Variants in TRPA1 observed in about 807,000 individuals in gnomAD.
TRPA1 encodes transient receptor potential cation channel subfamily A member 1.
In TRPA1, 129 loss-of-function variants were observed where a neutral mutation model predicts 131.3. That is an observed-to-expected ratio of 0.98 (90% CI 0.85 to 1.14). TRPA1 has a LOEUF of 1.14. Among genes scored for constraint, TRPA1 ranks in the 50% most tolerant of loss-of-function variants. TRPA1 has a pLI of 0.00. For synonymous variants in TRPA1, 441 were observed against 451.7 expected (o/e 0.98, Z 0.30); for missense variants, 1,304 against 1,354.2 (o/e 0.96, Z 0.58).
At chr8:72,029,730 G>T in intron 24 of TRPA1, 171 bp downstream of exon 24, 2 of 729,424 alleles carry the variant, frequency 2.7e-6, no homozygotes, top group Non-Finnish European at 4.9e-6. Flanking sequence ...ACAGAACCCA[G>T]TCAGCCACAT....
intron 17 of TRPA1, among the ~76,000 whole-genome samples, chr8:72,044,036 C>A (rs1435397890): frequency 6.6e-6 from 1 of 151,760 alleles, no homozygotes; most frequent in African/African-American, 2.4e-5. Context: ...TGGAATATTT[C>A]CAGGTTCACC....
At chr8:72,065,396 A>C in intron 4 of TRPA1, 55 bp downstream of exon 4, 1 of 1,319,688 alleles carries the variant, frequency 7.6e-7, no homozygotes, top group East Asian at 2.4e-5. Context: ...ATAATAATCC[A>C]TGTTGTATTC....
chr8:72,055,838 C>A lies in TRPA1; in HGVS notation c.1212G>T (p.Glu404Asp), dbSNP rs893255673. ...PEFMQMQQIK[E>D]LVMDEDNDGC... Reference sequence around the variant, plus strand: ...CATCGTTGTCTTCATCCATTACCAGCTCTTTGATCTGTTGCATCTATAGGA... The same window carrying A: ...CATCGTTGTCTTCATCCATTACCAGATCTTTGATCTGTTGCATCTATAGGA... Residue 404 changes from glutamate (E) to aspartate (D), a missense_variant, in exon 11 of 27, where the codon GAG becomes GAT. Coordinates refer to ENST00000262209, the MANE Select transcript of TRPA1 (RefSeq NM_007332.3). 34 of 1,612,484 alleles carry A rather than the reference C, an allele frequency of 2.1e-5. No homozygotes were observed. The highest frequency in any genetic ancestry group is 2.9e-5 in the Non-Finnish European group (34 of 1,179,536).
upstream of TRPA1, among the ~76,000 whole-genome samples, chr8:72,076,844 C>T (rs540269535): frequency 6.6e-6 from 1 of 152,294 alleles, no homozygotes; most frequent in South Asian, 2.1e-4. Context: ...CTGGAGGATA[C>T]AGGTGTTCAA....
chr8:72,025,560 G>T (rs1309402872), intron 25 of TRPA1, among the ~76,000 whole-genome samples: 3 of 152,048 alleles, frequency 2.0e-5, no homozygotes, highest in Non-Finnish European at 2.9e-5. Context: ...GTTCTTTATT[G>T]TGTATTCTAA....
intron 15 of TRPA1, among the ~76,000 whole-genome samples, chr8:72,047,486 C>T (rs1321879828): frequency 6.6e-6 from 1 of 152,032 alleles, no homozygotes; most frequent in African/African-American, 2.4e-5. Flanking sequence ...AAGAGATATT[C>T]CACTAGTTGT....
chr8:72,053,703 G>C, intron 13 of TRPA1, 50 bp downstream of exon 13: 1 of 1,375,234 alleles, frequency 7.3e-7, no homozygotes, highest in Non-Finnish European at 1.0e-6. Context: ...AATGTTGGAA[G>C]TTTCTGCTAT....
At chr8:72,034,624 T>G (rs1811961793) in intron 21 of TRPA1, among the ~76,000 whole-genome samples, 1 of 152,230 alleles carries the variant, frequency 6.6e-6, no homozygotes, top group African/African-American at 2.4e-5. Context: ...ATACAGGGTC[T>G]TGCTTTGTCA....
intron 19 of TRPA1, chr8:72,038,631 C>G: frequency 2.2e-6 from 1 of 461,596 alleles, no homozygotes; most frequent in Non-Finnish European, 3.8e-6. Flanking sequence ...AAGCTAGCAT[C>G]TAACACATGT....
In TRPA1 at chr8:72,050,819, G is replaced by T; in HGVS notation, c.1864C>A (p.Pro622Thr). The T allele has an allele frequency of 1.9e-6, 3 of 1,612,014 alleles. No individual in the cohort carries two copies. The South Asian group carries it at 3.3e-5, about 18-fold the overall frequency. ...AGGTATTCTATCATTTCTGTAATTG[G>T]ACATTTATTGCCTGGAGAATTATGA... is the stretch of plus-strand genomic sequence containing the variant. ...FSHNSPGNKC[P>T]ITEMIEYLPE... The change falls in exon 15 of 27, where the codon CCA (proline) becomes ACA (threonine). Residue 622 changes from proline to threonine, a missense_variant. Physicochemically the swap from Pro to Thr is conservative, Grantham distance 38. Coordinates refer to ENST00000262209, the MANE Select transcript of TRPA1 (RefSeq NM_007332.3).
At chr8:72,078,945 A>G (rs1305999202), upstream of TRPA1, among the ~76,000 whole-genome samples, 1 of 151,968 alleles carries the variant, frequency 6.6e-6, no homozygotes, top group Non-Finnish European at 1.5e-5. Flanking sequence ...TTTTATTATG[A>G]TCATTCTAAT....
At chr8:72,060,287 T>C (rs953218190) in intron 7 of TRPA1, 3 of 152,106 alleles carry the variant, frequency 2.0e-5, no homozygotes, top group African/African-American at 7.2e-5. Flanking sequence ...GGTTTGTAAA[T>C]TGGTGAAACA....
chr8:72,074,553 C>T (rs10111216), intron 1 of TRPA1, among the ~76,000 whole-genome samples: 59,067 of 151,932 alleles, frequency 0.39, 12,122 homozygotes, highest in East Asian at 0.63. Context: ...AAAAGAGCCC[C>T]TTTCTCCTGC....
intron 20 of TRPA1, among the ~76,000 whole-genome samples, chr8:72,037,366 C>T (rs11988795): frequency 0.37 from 55,997 of 151,730 alleles, 10,813 homozygotes; most frequent in East Asian, 0.55. Flanking sequence ...CTTTCAACCT[C>T]CATACTGAGA....
At chr8:72,041,754 A>G (rs979660518) in intron 17 of TRPA1, among the ~76,000 whole-genome samples, 7 of 151,918 alleles carry the variant, frequency 4.6e-5, no homozygotes, top group African/African-American at 1.7e-4. Context: ...CTTATGTTAT[A>G]AAAGAAGAAA....
intron 25 of TRPA1, 121 bp from the exon 26 acceptor site, chr8:72,024,032 A>G (rs1160365693): frequency 1.9e-5 from 13 of 681,996 alleles, no homozygotes; most frequent in Non-Finnish European, 3.5e-5. Flanking sequence ...TATGCCCTCA[A>G]GGAACCCACA....
intron 23 of TRPA1, among the ~76,000 whole-genome samples, chr8:72,030,649 C>G (rs375953562): frequency 1.3e-5 from 2 of 151,974 alleles, no homozygotes; most frequent in African/African-American, 4.8e-5. Flanking sequence ...ATATCACATG[C>G]AATTGGGTGT....
intron 23 of TRPA1, among the ~76,000 whole-genome samples, chr8:72,031,601 A>C (rs1037050300): frequency 6.6e-6 from 1 of 151,766 alleles, no homozygotes; most frequent in African/African-American, 2.4e-5. Flanking sequence ...AAACAAAAAA[A>C]AAACAAAAAA....
At chr8:72,088,179 TCTC>T in the TRPA1 span, among the ~76,000 whole-genome samples, 1 of 152,194 alleles carries the variant, frequency 6.6e-6, no homozygotes, top group East Asian at 1.9e-4. Context: ...TGTGTTCAGA[TCTC>T]CTCCTTCACT....
Sources: allele counts gnomAD v4.1 joint callset (sites outside exome capture counted in the v4.1 genomes callset), GRCh38; gene constraint gnomAD v4.1.1; transcripts MANE v1.5; gene names NCBI Gene and HGNC (gene_info 2026-07-23, HGNC 2026-07-21).